Variants in SCAI observed in about 807,000 individuals in gnomAD.
SCAI encodes protein SCAI.
A neutral mutation model predicts 92.2 loss-of-function variants in SCAI; 24 were observed. That is an observed-to-expected ratio of 0.26 (90% CI 0.19 to 0.37). The LOEUF (loss-of-function observed/expected upper bound fraction) is 0.37, where lower values mean the gene tolerates loss of function less well. SCAI is among the 10% of genes least tolerant of loss of function. The pLI, the probability that SCAI is intolerant of heterozygous loss-of-function variation, is 1.00. For missense variants in SCAI, 450 were observed against 736.2 expected (o/e 0.61, Z 4.50); for synonymous variants, 261 against 258.6 (o/e 1.01, Z -0.09).
intron 2 of SCAI, among the ~76,000 whole-genome samples, chr9:125,108,010 T>A (rs893666854): frequency 8.5e-5 from 13 of 152,336 alleles, no homozygotes; most frequent in Middle Eastern, 3.4e-3. Flanking sequence ...TTTCGTATTT[T>A]TTTGGTGGAG....
chr9:125,032,195 A>ATATATATATTTTTTT (rs1177865840), intron 3 of SCAI, among the ~76,000 whole-genome samples: 1 of 99,476 alleles, frequency 1.0e-5, no homozygotes, highest in Non-Finnish European at 1.8e-5. Flanking sequence ...ATATATATAT[A>ATATATATATTTTTTT]TTTTTTTTTT....
intron 3 of SCAI, among the ~76,000 whole-genome samples, chr9:125,037,105 C>T (rs1158778411): frequency 1.3e-5 from 2 of 152,012 alleles, no homozygotes; most frequent in African/African-American, 4.8e-5. Context: ...CCTGTCTCTA[C>T]TAAAGAGACA....
At chr9:124,985,630 G>A (rs1321815306) in intron 14 of SCAI, among the ~76,000 whole-genome samples, 1 of 152,168 alleles carries the variant, frequency 6.6e-6, no homozygotes, top group African/African-American at 2.4e-5. Flanking sequence ...AACTTTGGGA[G>A]GCAGAGGCGG....
chr9:124,962,150 C>CTTTT (rs752939056), intron 17 of SCAI, among the ~76,000 whole-genome samples: 8 of 63,612 alleles, frequency 1.3e-4, no homozygotes, highest in South Asian at 6.6e-4. Context: ...TAATATATGT[C>CTTTT]TTTTTTTTTT....
At chr9:125,089,694 G>A (rs891185686) in intron 2 of SCAI, among the ~76,000 whole-genome samples, 1 of 151,696 alleles carries the variant, frequency 6.6e-6, no homozygotes, top group African/African-American at 2.4e-5. Flanking sequence ...GTTGGGGGGG[G>A]CAGTGTTTGT....
intron 14 of SCAI, among the ~76,000 whole-genome samples, chr9:124,990,632 G>A (rs1023176495): frequency 1.3e-5 from 2 of 151,992 alleles, no homozygotes; most frequent in African/African-American, 4.8e-5. Context: ...AATACATAAC[G>A]CTAAAACTGA....
intron 2 of SCAI, among the ~76,000 whole-genome samples, chr9:125,120,227 C>A (rs1350961993): frequency 1.3e-5 from 2 of 152,168 alleles, no homozygotes; most frequent in African/African-American, 4.8e-5. Flanking sequence ...CCAGAATATA[C>A]CAAAGTTGAC....
intron 17 of SCAI, among the ~76,000 whole-genome samples, chr9:124,963,078 C>T (rs934629008): frequency 6.6e-6 from 1 of 150,956 alleles, no homozygotes; most frequent in Non-Finnish European, 1.5e-5. Context: ...GGATTACAGG[C>T]GTGAGCCACC....
At chr9:125,089,024 G>A (rs1028767903) in intron 2 of SCAI, among the ~76,000 whole-genome samples, 6 of 152,050 alleles carry the variant, frequency 3.9e-5, no homozygotes, top group Admixed American at 1.3e-4. Context: ...GAGGCAGATC[G>A]CCCCAGCTAA....
chr9:125,044,800 G>A (rs1025643925), intron 3 of SCAI, among the ~76,000 whole-genome samples: 1 of 152,138 alleles, frequency 6.6e-6, no homozygotes, highest in Admixed American at 6.5e-5. Context: ...CCTCTTTGGG[G>A]CTTGTGGTTC....
intron 3 of SCAI, among the ~76,000 whole-genome samples, chr9:125,033,123 G>A (rs770864594): frequency 6.6e-6 from 1 of 152,038 alleles, no homozygotes; most frequent in Non-Finnish European, 1.5e-5. Context: ...TGGCTACTCA[G>A]GAGGCTGAGG....
At chr9:125,142,953 A>C (rs1835703501) in intron 1 of SCAI, among the ~76,000 whole-genome samples, 1 of 146,476 alleles carries the variant, frequency 6.8e-6, no homozygotes, top group African/African-American at 2.6e-5. Flanking sequence ...CCAGCTCCCC[A>C]AAATCACCCA....
At chr9:125,077,502 T>C (rs1564403872) in intron 2 of SCAI, among the ~76,000 whole-genome samples, 1 of 152,192 alleles carries the variant, frequency 6.6e-6, no homozygotes, top group Non-Finnish European at 1.5e-5. Context: ...CAACTCTATA[T>C]TAACCCTGTT....
chr9:125,068,544 TG>T (rs1833915989), intron 2 of SCAI, among the ~76,000 whole-genome samples: 1 of 150,968 alleles, frequency 6.6e-6, no homozygotes, highest in South Asian at 2.1e-4. Context: ...ACAAAGAGGC[TG>T]GGCATGGTGG....
intron 2 of SCAI, among the ~76,000 whole-genome samples, chr9:125,104,396 G>A (rs915257135): frequency 6.6e-6 from 1 of 152,114 alleles, no homozygotes; most frequent in Non-Finnish European, 1.5e-5. Context: ...GTAACACTTT[G>A]AGGTTTATAG....
At chr9:125,118,361 T>TA (rs1340714307) in intron 2 of SCAI, among the ~76,000 whole-genome samples, 2 of 151,336 alleles carry the variant, frequency 1.3e-5, no homozygotes, top group Non-Finnish European at 2.9e-5. Flanking sequence ...AAAATAAAAA[T>TA]AAAAAAATTA....
intron 6 of SCAI, 28 bp from the exon 7 acceptor site, chr9:125,020,797 AT>A: frequency 1.0e-6 from 1 of 997,538 alleles, no homozygotes; most frequent in Non-Finnish European, 1.5e-6. Flanking sequence ...AAAATTACTC[AT>A]TAGATTAAAA....
intron 3 of SCAI, 117 bp from the exon 4 acceptor site, chr9:125,029,856 T>TA (rs990734448): frequency 1.1e-5 from 6 of 538,344 alleles, no homozygotes; most frequent in East Asian, 9.7e-5. Context: ...CTTTCTTTTT[T>TA]AAAAAAGTTA....
chr9:124,983,430 C>T (rs1831926983), intron 14 of SCAI, among the ~76,000 whole-genome samples: 1 of 152,188 alleles, frequency 6.6e-6, no homozygotes, highest in Non-Finnish European at 1.5e-5. Flanking sequence ...CAGCTCACTG[C>T]AACCACCACC....
Sources: allele counts gnomAD v4.1 joint callset (sites outside exome capture counted in the v4.1 genomes callset), GRCh38; gene constraint gnomAD v4.1.1; transcripts MANE v1.5; gene names NCBI Gene and HGNC (gene_info 2026-07-23, HGNC 2026-07-21).